ABR: variants seen among roughly 807,000 people sequenced by gnomAD.
ABR encodes active breakpoint cluster region-related protein.
In ABR, 35 loss-of-function variants were observed where a neutral mutation model predicts 107.2. The ratio of observed to expected loss-of-function variants is 0.33; its 90% CI spans 0.25 to 0.43. The LOEUF is 0.43. Ranked by LOEUF, ABR falls within the 20% of genes least tolerant of loss-of-function variation. ABR has a pLI of 1.00. For missense variants in ABR, 815 were observed against 1,115.2 expected, an observed-to-expected ratio of 0.73 and a Z score of 3.83; for synonymous variants, 498 against 462.0, an observed-to-expected ratio of 1.08 and a Z score of -1.00.
At chr17:1,165,764 C>A (rs2041477833) in intron 1 of ABR, among the ~76,000 whole-genome samples, 2 of 152,152 alleles carry the variant, frequency 1.3e-5, no homozygotes. Flanking sequence ...AACTCATGAC[C>A]TCAGGTGATC....
chr17:1,036,479 G>T (rs57069967), intron 16 of ABR, among the ~76,000 whole-genome samples: 164 of 151,300 alleles, frequency 1.1e-3, no homozygotes, highest in African/African-American at 4.0e-3. Context: ...AGAGCAGGGC[G>T]GACCCGAGGC....
rs905940131 is a variant in ABR, at chr17:1,003,964, G to A, written c.*2116C>T. 6.6e-6 allele frequency: 1 copy of A among 152,292 alleles called. No homozygotes were observed. Among genetic ancestry groups the A allele is most frequent in the Non-Finnish European group, 1.5e-5 (1 of 68,092 alleles). 9.4% of individuals were successfully genotyped at this position (152,292 alleles called of 1,614,324 possible). ...CCTGACCCTCCCCACTCTGGGGGTGGGATTTATAAATATGAGCCTTTGCAT... is the reference window on the plus strand; with the variant it reads ...CCTGACCCTCCCCACTCTGGGGGTGAGATTTATAAATATGAGCCTTTGCAT... On this transcript the variant is annotated 3_prime_UTR_variant, in exon 23 of 23. Transcript: ENST00000302538.
chr17:1,092,398 G>T lies in ABR; in HGVS notation c.346-548C>A, dbSNP rs60922708. Among the ~76,000 whole-genome samples, 485 of 152,276 alleles carry T rather than the reference G, an allele frequency of 3.2e-3. 4 individuals carry two copies. Among genetic ancestry groups the T allele is most frequent in the African/African-American group, 0.011 (462 of 41,538 alleles). On this transcript the variant is annotated intron_variant, in intron 3 of 22. Transcript: ENST00000302538. The surrounding 1 kb of genome is among the most constrained non-coding windows in gnomAD (Gnocchi z 4.6). Reference sequence around the variant, plus strand: ...GGGCGTTCACGTGTCCCCCACTGCAGCCCACCCCCGTGGCAGACATTGCTA... The same window carrying T: ...GGGCGTTCACGTGTCCCCCACTGCATCCCACCCCCGTGGCAGACATTGCTA...
chr17:1,134,946 G>A (rs1021166015), intron 1 of ABR, among the ~76,000 whole-genome samples: 3 of 152,258 alleles, frequency 2.0e-5, no homozygotes, highest in Non-Finnish European at 2.9e-5. Flanking sequence ...GGGCCGCTGC[G>A]GGGGTTAAAC....
chr17:1,147,493 T>C (rs1378285653), intron 1 of ABR, among the ~76,000 whole-genome samples: 1 of 152,052 alleles, frequency 6.6e-6, no homozygotes, highest in Non-Finnish European at 1.5e-5. Context: ...CCTGAGTAGC[T>C]GGGATTACAG....
rs575845508 is a variant in ABR at position 1,150,764 on chromosome 17, C to T, written c.62-25397G>A. ...TGGGAACCACGCGAGCAGGGAGGGA[C>T]GAAGGGAGGAGCATCACGCACACAG... On this transcript the variant is annotated intron_variant, in intron 1 of 22. Transcript: ENST00000302538. This position sits in a 1 kb window ranked among gnomAD's most constrained non-coding sequence, Gnocchi z 4.8. Among the ~76,000 whole-genome samples, 1 of 152,246 alleles carries T rather than the reference C, an allele frequency of 6.6e-6. No individual in the cohort carries two copies. The highest frequency in any genetic ancestry group is 2.1e-4 in the South Asian group (1 of 4,814).
chr17:1,143,510 TG>T (rs2040400443), intron 1 of ABR, among the ~76,000 whole-genome samples: 1 of 31,828 alleles, frequency 3.1e-5, no homozygotes, highest in African/African-American at 5.4e-5. Context: ...AGCTCGCTCC[TG>T]GGGGACAGCT....
chr17:1,005,222 A>AAAT lies in ABR; in HGVS notation c.*855_*857dup. On this transcript the variant is annotated 3_prime_UTR_variant, in exon 23 of 23. Coordinates refer to ENST00000302538, the MANE Select transcript of ABR (RefSeq NM_021962.5). ...ACCTGTGAGTCTTTACACTCAAAGGAAATAGAACAGCAGGGAAGGGAACTG... is the reference window on the plus strand; with the variant it reads ...ACCTGTGAGTCTTTACACTCAAAGGAAATAATAGAACAGCAGGGAAGGGAACTG... 1 of 398,702 alleles carries AAAT rather than the reference A, an allele frequency of 2.5e-6. No homozygotes were observed. The highest frequency in any genetic ancestry group is 4.4e-6 in the Non-Finnish European group (1 of 226,116). 24.7% of individuals were successfully genotyped at this position (398,702 alleles called of 1,614,324 possible). A position where few individuals can be genotyped will look rare whatever the true frequency, so the allele number is the denominator to read the frequency against.
At chr17:1,080,140 T>C (rs1193405532) in intron 5 of ABR, among the ~76,000 whole-genome samples, 1 of 152,116 alleles carries the variant, frequency 6.6e-6, no homozygotes, top group Non-Finnish European at 1.5e-5. Flanking sequence ...AGCAGGGAAG[T>C]GGTGGACCTT....
intron 1 of ABR, among the ~76,000 whole-genome samples, chr17:1,142,907 A>G (rs542030931): frequency 1.1e-4 from 16 of 152,278 alleles, no homozygotes; most frequent in Non-Finnish European, 2.4e-4. Flanking sequence ...TAGCCCAGCA[A>G]AGCGGCAACT....
chr17:1,086,266 T>G lies in ABR; in HGVS notation c.532-2639A>C, dbSNP rs140790192. On this transcript the variant is annotated intron_variant, in intron 4 of 22. Transcript: ENST00000302538. The stretch of plus-strand genomic sequence containing the variant: ...GGCCTATGTGTGTGCCCCAGGGGAC[T>G]CAAGGGTGTTCACCATCTCACTTTT... 2.9e-3 allele frequency among the ~76,000 whole-genome samples: 449 copies of G among 152,336 alleles called. 3 individuals carry two copies. The highest frequency in any genetic ancestry group is 0.01 in the African/African-American group (428 of 41,576).
chr17:1,082,070 GA>G (rs1567721588), intron 5 of ABR, among the ~76,000 whole-genome samples: 3 of 152,158 alleles, frequency 2.0e-5, no homozygotes, highest in Admixed American at 2.0e-4. Flanking sequence ...GAAGTTTCAG[GA>G]AAACTACCCT....
intron 1 of ABR, among the ~76,000 whole-genome samples, chr17:1,172,151 C>T (rs1403881803): frequency 6.6e-6 from 1 of 152,186 alleles, no homozygotes; most frequent in Non-Finnish European, 1.5e-5. Context: ...GCGAGAGGCC[C>T]CAGTCAGGTC....
At position 1,091,865 on chromosome 17, in the gene ABR, G is replaced by A. The variant is rs568381733; in HGVS notation, c.346-15C>T. On this transcript the variant is annotated splice_polypyrimidine_tract_variant and intron_variant, in intron 3 of 22. Coordinates refer to ENST00000302538, the MANE Select transcript of ABR (RefSeq NM_021962.5). ...GGTTTCATGGGCTGGGAGAAACAGA[G>A]GAAGAAAGAGCAGAGGTCGGGGGTA... is the stretch of plus-strand genomic sequence containing the variant. The A allele has an allele frequency of 1.6e-5, 25 of 1,609,078 alleles. No individual in the cohort carries two copies. The highest frequency in any genetic ancestry group is 2.1e-5 in the Non-Finnish European group (25 of 1,177,328).
chr17:1,191,061 G>A (rs1432009163), upstream of ABR, among the ~76,000 whole-genome samples: 16 of 152,314 alleles, frequency 1.1e-4, no homozygotes, highest in Non-Finnish European at 1.9e-4. Context: ...CCGGCCCGAG[G>A]GCGCTATACA....
At position 1,125,347 on chromosome 17, in the gene ABR, C is replaced by T. The variant is rs764110029; in HGVS notation, c.82G>A (p.Glu28Lys). 1.2e-5 allele frequency: 19 copies of T among 1,613,628 alleles called. No individual in the cohort carries two copies. The highest frequency in any genetic ancestry group is 1.7e-5 in the Admixed American group (1 of 60,010). ...LYSNFSYGTD[E>K]YDGEGNEEQK... ...TCCTCATTCCCCTCTCCGTCGTACT[C>T]GTCCGTCCCGTAGCTGAAGTCTGAG... Residue 28 changes from glutamate to lysine, a missense_variant, in exon 2 of 23, where the codon GAG becomes AAG. Physicochemically the swap from Glu to Lys is moderately conservative, Grantham distance 56. Around this residue, in one of 5 missense-constraint regions of ABR, gnomAD observed 129 missense variants for 124.8 expected, o/e 1.03. Transcript: ENST00000302538.
Position 1,154,695 on chromosome 17 carries a change from A to T in ABR, c.61+24972T>A, listed in dbSNP as rs1011531389. ...CACTGCGGACACAGGGAAGGAAGCC[A>T]CAGGACAAGAGCTTGGCAATGCCGT... On this transcript the variant is annotated intron_variant, in intron 1 of 22. Transcript: ENST00000302538. The surrounding 1 kb of genome is among the most constrained non-coding windows in gnomAD (Gnocchi z 4.0). 2 of 139,790 alleles carry T rather than the reference A, an allele frequency of 1.4e-5. No individual in the cohort carries two copies. The highest frequency in any genetic ancestry group is 3.1e-5 in the Non-Finnish European group (2 of 64,666). The allele number at this position is 139,790 out of a possible 1,614,324, so 8.7% of individuals were successfully genotyped here. A position where few individuals can be genotyped will look rare whatever the true frequency, so the allele number is the denominator to read the frequency against.
chr17:1,146,280 C>CACAA (rs1555603560), intron 1 of ABR, among the ~76,000 whole-genome samples: 4 of 145,398 alleles, frequency 2.8e-5, no homozygotes, highest in Admixed American at 6.7e-5. Context: ...CACACACACA[C>CACAA]ACACACACAC....
chr17:1,007,260 C>T lies in ABR; in HGVS notation c.2395G>A (p.Val799Met), dbSNP rs761608419. The T allele has an allele frequency of 6.8e-6, 11 of 1,614,028 alleles. No individual in the cohort carries two copies. The highest frequency in any genetic ancestry group is 5.5e-5 in the South Asian group (5 of 91,090). Reference protein sequence around the residue: ...NKMSLHNLATVFGPTLLRPSE... With the variant: ...NKMSLHNLATMFGPTLLRPSE... The stretch of plus-strand genomic sequence containing the variant: ...GGTCTCAGTAACGTGGGTCCAAACA[C>T]GGTAGCCAGGTTGTGAAGTGACATT... Residue 799 changes from valine to methionine, a missense_variant, in exon 22 of 23, where the codon GTG becomes ATG. By Grantham distance (21) the Val-to-Met change is conservative. Around this residue, in one of 5 missense-constraint regions of ABR, gnomAD observed 175 missense variants for 284.3 expected, o/e 0.62. Transcript: ENST00000302538.
Sources: gnomAD v4.1 joint callset for allele counts (sites outside exome capture counted in the v4.1 genomes callset) on GRCh38, gnomAD v4.1.1 for gene constraint, gnomAD v4.1.1 regional missense constraint, Gnocchi (gnomAD v3.1) non-coding constraint, MANE v1.5 for transcripts, NCBI Gene and HGNC (gene_info 2026-07-23, HGNC 2026-07-21) for gene names.